GFRA3: variants seen among roughly 807,000 people sequenced by gnomAD.
The protein encoded by GFRA3 is GDNF family receptor alpha 3.
Under a neutral mutation model 40.0 loss-of-function variants are expected in GFRA3, and 24 were observed. The ratio of observed to expected loss-of-function variants is 0.60; its 90% CI spans 0.43 to 0.84. GFRA3 has a LOEUF of 0.84. Ranked by LOEUF, GFRA3 falls within the 40% of genes least tolerant of loss-of-function variation. GFRA3 has a pLI of 0.00. For synonymous variants in GFRA3, 203 were observed against 213.5 expected (o/e 0.95, Z 0.43); for missense variants, 405 against 530.6 (o/e 0.76, Z 2.33).
chr5:138,257,538 G>A (rs1332936207), intron 4 of GFRA3, 101 bp downstream of exon 4: 6 of 987,318 alleles, frequency 6.1e-6, no homozygotes, highest in Non-Finnish European at 8.8e-6. Flanking sequence ...GTGGGTCCAC[G>A]GTTCCCTGGG....
Position 138,257,882 on chromosome 5 carries a change from G to C in GFRA3, c.542C>G (p.Ala181Gly), listed in dbSNP as rs1231402680. ...GGGCCCGGAGCACGCCTCCCCGTAGGCCTTGCGCAGCCGGTCACACTTGTC... is the reference window on the plus strand; with the variant it reads ...GGGCCCGGAGCACGCCTCCCCGTAGCCCTTGCGCAGCCGGTCACACTTGTC... ...LNDKCDRLRK[A>G]YGEACSGPHC... The change falls in exon 4 of 8, where the codon GCC (alanine) becomes GGC (glycine). Residue 181 changes from alanine (A) to glycine (G), a missense_variant. By Grantham distance (60) the Ala-to-Gly change is moderately conservative (BLOSUM62 0). Coordinates refer to ENST00000274721, the MANE Select transcript of GFRA3 (RefSeq NM_001496.4). 1.2e-6 allele frequency: 2 copies of C among 1,613,852 alleles called. No homozygotes were observed. The highest frequency in any genetic ancestry group is 1.7e-6 in the Non-Finnish European group (2 of 1,179,886).
At chr5:138,255,428 TGTAA>T (rs1755612842) in intron 4 of GFRA3, among the ~76,000 whole-genome samples, 1 of 152,208 alleles carries the variant, frequency 6.6e-6, no homozygotes, top group South Asian at 2.1e-4. Context: ...GCTTCAATTT[TGTAA>T]GTGTTTTGTC....
chr5:138,264,641 G>A (rs1289271647), intron 1 of GFRA3, 93 bp from the exon 2 acceptor site: 2 of 804,650 alleles, frequency 2.5e-6, no homozygotes, highest in African/African-American at 3.4e-5. Context: ...TATTCCTGAT[G>A]AAACTTTGTG....
At chr5:138,272,708 C>T (rs555273865) in intron 1 of GFRA3, among the ~76,000 whole-genome samples, 13 of 152,088 alleles carry the variant, frequency 8.5e-5, no homozygotes, top group East Asian at 5.8e-4. Flanking sequence ...TGGAAACACT[C>T]GGGCCCACAT....
intron 3 of GFRA3, among the ~76,000 whole-genome samples, chr5:138,259,109 C>T (rs1755676579): frequency 6.6e-6 from 1 of 152,172 alleles, no homozygotes; most frequent in African/African-American, 2.4e-5. Flanking sequence ...TGAGTCACCC[C>T]GTGCAGAGTC....
chr5:138,258,166 C>CCTTTT (rs1755660596), intron 3 of GFRA3, among the ~76,000 whole-genome samples: 1 of 51,640 alleles, frequency 1.9e-5, no homozygotes, highest in African/African-American at 9.1e-5. Flanking sequence ...CCCTACTCCT[C>CCTTTT]TTTTTTTTTT....
chr5:138,264,453 G>A lies in GFRA3; in HGVS notation c.187C>T (p.His63Tyr). Residue 63 changes from histidine to tyrosine, a missense_variant, in exon 2 of 8, where the codon CAC (histidine) becomes TAC (tyrosine). His to Tyr is a moderately conservative substitution (Grantham distance 83). Coordinates refer to ENST00000274721, the MANE Select transcript of GFRA3 (RefSeq NM_001496.4). The stretch of plus-strand genomic sequence containing the variant: ...ATGCTAGAGGTGCAGGAATCCAGGT[G>A]GTGGTAGGCAGCACTGCAGGTGGGA... ...ADPTCSAAYHHLDSCTSSIST... is the reference protein window; with the variant it reads ...ADPTCSAAYHYLDSCTSSIST... 6.2e-7 allele frequency: 1 copy of A among 1,613,774 alleles called. No homozygotes were observed. The highest frequency in any genetic ancestry group is 8.5e-7 in the Non-Finnish European group (1 of 1,179,686).
chr5:138,257,974 C>A, intron 3 of GFRA3, 23 bp from the exon 4 acceptor site: 1 of 1,607,318 alleles, frequency 6.2e-7, no homozygotes, highest in South Asian at 1.1e-5. Context: ...GGCACGGAGT[C>A]AGTCGGCTGG....
intron 4 of GFRA3, 124 bp downstream of exon 4, chr5:138,257,515 C>A (rs80288810): frequency 1.0e-5 from 7 of 701,780 alleles, no homozygotes; most frequent in Non-Finnish European, 1.4e-5. Context: ...GTAGCTACTT[C>A]GTGAAGCAGC....
intron 5 of GFRA3, 60 bp from the exon 6 acceptor site, chr5:138,253,960 C>T: frequency 6.3e-7 from 1 of 1,588,632 alleles, no homozygotes; most frequent in East Asian, 2.2e-5. Context: ...CTCCCACCTT[C>T]TTCCACCCAT....
intron 2 of GFRA3, among the ~76,000 whole-genome samples, chr5:138,262,340 G>A (rs960124214): frequency 2.6e-5 from 4 of 152,152 alleles, no homozygotes; most frequent in African/African-American, 9.7e-5. Context: ...AGTAAAAACA[G>A]GGCCTTATTA....
intron 1 of GFRA3, among the ~76,000 whole-genome samples, chr5:138,271,913 TTGTGTGTGTGTGTGTGTG>T (rs1554111238): frequency 1.8e-5 from 1 of 54,328 alleles, no homozygotes; most frequent in Non-Finnish European, 3.5e-5. Context: ...TTTTTTTTTT[TTGTGTGTGTGTGTGTGTG>T]TGTGTGTGTG....
intron 1 of GFRA3, among the ~76,000 whole-genome samples, chr5:138,271,786 C>T (rs149022383): frequency 6.7e-6 from 1 of 148,566 alleles, no homozygotes; most frequent in South Asian, 2.1e-4. Flanking sequence ...CCATGTTGCC[C>T]GGGCTGGTCT....
intron 5 of GFRA3, 70 bp downstream of exon 5, chr5:138,253,987 T>C: frequency 6.4e-7 from 1 of 1,569,358 alleles, no homozygotes; most frequent in Non-Finnish European, 8.8e-7. Flanking sequence ...ATCACATCCT[T>C]TATCTCCGGA....
chr5:138,254,631 G>A (rs1451743288), intron 4 of GFRA3, among the ~76,000 whole-genome samples: 2 of 152,082 alleles, frequency 1.3e-5, no homozygotes, highest in African/African-American at 4.8e-5. Flanking sequence ...GTGTGCCCCT[G>A]TAACAGTTAA....
chr5:138,264,131 G>A (rs1755748045), intron 2 of GFRA3, 130 bp downstream of exon 2: 2 of 764,096 alleles, frequency 2.6e-6, no homozygotes, highest in Admixed American at 5.5e-5. Flanking sequence ...CACCTTTCCT[G>A]ATGTCAAATG....
Position 138,259,581 on chromosome 5 carries a change from T to C in GFRA3, c.448A>G (p.Ser150Gly). The C allele has an allele frequency of 6.5e-7, 1 of 1,542,256 alleles. No individual in the cohort carries two copies. Among genetic ancestry groups the C allele is most frequent in the Non-Finnish European group, 9.0e-7 (1 of 1,114,416 alleles). ...VTSKPWKMNL[S>G]KLNMLKPDSD... Reference sequence around the variant, plus strand: ...CCTGGTTTGAGCATGTTCAGTTTGCTGAGATTCATTTTCCAGGGTTTGCTG... The same window carrying C: ...CCTGGTTTGAGCATGTTCAGTTTGCCGAGATTCATTTTCCAGGGTTTGCTG... Residue 150 changes from serine to glycine, a missense_variant, in exon 3 of 8, where the codon AGC becomes GGC. Physicochemically the swap from Ser to Gly is moderately conservative, Grantham distance 56 (BLOSUM62 0). Coordinates refer to ENST00000274721, the MANE Select transcript of GFRA3 (RefSeq NM_001496.4).
intron 1 of GFRA3, among the ~76,000 whole-genome samples, chr5:138,268,281 T>C (rs1371613827): frequency 1.6e-3 from 1 of 626 alleles, no homozygotes; most frequent in African/African-American, 1.9e-3. Flanking sequence ...TGAGACTCCA[T>C]CTGAAAAAAA....
intron 4 of GFRA3, among the ~76,000 whole-genome samples, chr5:138,257,378 AT>A (rs1252230913): frequency 6.6e-6 from 1 of 152,228 alleles, no homozygotes; most frequent in African/African-American, 2.4e-5. Context: ...AGTATGATAG[AT>A]TATCTTCAGG....
Sources: allele counts gnomAD v4.1 joint callset (sites outside exome capture counted in the v4.1 genomes callset), GRCh38; gene constraint gnomAD v4.1.1; transcripts MANE v1.5; gene names NCBI Gene and HGNC (gene_info 2026-07-23, HGNC 2026-07-21).